The following ITCH variants were observed in gnomAD, a reference collection of about 807,000 sequenced individuals.
ITCH encodes E3 ubiquitin-protein ligase Itchy homolog.
In ITCH, 28 loss-of-function variants were observed where a neutral mutation model predicts 126.8. The ratio of observed to expected loss-of-function variants is 0.22; its 90% CI spans 0.16 to 0.30. The LOEUF (loss-of-function observed/expected upper bound fraction) is 0.30, where lower values mean the gene tolerates loss of function less well. Among genes scored for constraint, ITCH ranks in the 10% least tolerant of loss-of-function variants. ITCH has a pLI of 1.00. For missense variants in ITCH, 631 were observed against 1,032.4 expected (o/e 0.61, Z 5.33); for synonymous variants, 342 against 340.0 (o/e 1.01, Z -0.06).
At chr20:34,447,411 G>T (rs1412108175) in intron 11 of ITCH, among the ~76,000 whole-genome samples, 2 of 152,118 alleles carry the variant, frequency 1.3e-5, no homozygotes, top group African/African-American at 4.8e-5. Context: ...GTGTTGCTGA[G>T]AAATAGTCTG....
chr20:34,495,360 C>T (rs1327741606), intron 23 of ITCH, among the ~76,000 whole-genome samples: 1 of 150,064 alleles, frequency 6.7e-6, no homozygotes, highest in Non-Finnish European at 1.5e-5. Flanking sequence ...TGATTATAGT[C>T]ATTGTATAGT....
At chr20:34,459,276 A>G (rs1247689009) in intron 13 of ITCH, among the ~76,000 whole-genome samples, 3 of 152,192 alleles carry the variant, frequency 2.0e-5, no homozygotes, top group African/African-American at 7.2e-5. Context: ...AACATCCAGC[A>G]TTATTGTGGG....
chr20:34,500,159 T>C (rs761285132), intron 23 of ITCH, among the ~76,000 whole-genome samples: 1 of 152,200 alleles, frequency 6.6e-6, no homozygotes, highest in Non-Finnish European at 1.5e-5. Context: ...TCTGAAGCTG[T>C]TGGATGAAAT....
chr20:34,364,229 C>G (rs560763056), intron 1 of ITCH, among the ~76,000 whole-genome samples: 1 of 152,154 alleles, frequency 6.6e-6, no homozygotes, highest in Admixed American at 6.6e-5. Context: ...TTCATTATCC[C>G]CAATAACAAC....
intron 4 of ITCH, among the ~76,000 whole-genome samples, chr20:34,410,446 T>A (rs985911894): frequency 3.3e-5 from 5 of 152,156 alleles, no homozygotes; most frequent in Non-Finnish European, 7.4e-5. Context: ...ATGTTCCTCA[T>A]CTGTGTTTAT....
chr20:34,440,228 T>C lies in ITCH; in HGVS notation c.753T>C (p.Asn251=). Residue 251 remains asparagine, a synonymous_variant, in exon 9 of 25, where the codon AAT becomes AAC. Coordinates refer to ENST00000374864, the MANE Select transcript of ITCH (RefSeq NM_031483.7). ...GSSTGSLPPT[N]TNTNTSEGAT... ...GTACAGGCTCTCTGCCGCCGACAAA[T>C]ACAAATACAAATACATCTGAAGGAG... 2 of 1,610,058 alleles carry C rather than the reference T, an allele frequency of 1.2e-6. No individual in the cohort carries two copies. The highest frequency in any genetic ancestry group is 1.7e-6 in the Non-Finnish European group (2 of 1,176,314).
chr20:34,431,657 G>A (rs1041231991), intron 7 of ITCH, among the ~76,000 whole-genome samples: 7 of 151,952 alleles, frequency 4.6e-5, no homozygotes, highest in African/African-American at 1.7e-4. Flanking sequence ...GGTAGGAAGA[G>A]GACAAACCAA....
At chr20:34,398,952 A>G (rs372319917) in intron 3 of ITCH, among the ~76,000 whole-genome samples, 17 of 152,224 alleles carry the variant, frequency 1.1e-4, no homozygotes, top group African/African-American at 3.6e-4. Flanking sequence ...TGATGCTAGA[A>G]TGCTTAGAAC....
At chr20:34,380,740 C>T (rs747268825) in intron 2 of ITCH, among the ~76,000 whole-genome samples, 10 of 151,232 alleles carry the variant, frequency 6.6e-5, no homozygotes, top group Admixed American at 2.6e-4. Context: ...CATGAGCCAC[C>T]GGCCCTGCCC....
chr20:34,424,630 CAGAA>C (rs1222044299), intron 7 of ITCH, 105 bp downstream of exon 7: 4 of 946,092 alleles, frequency 4.2e-6, no homozygotes, highest in Non-Finnish European at 6.9e-6. Flanking sequence ...AAATGAGTGT[CAGAA>C]AGAATTCAGA....
rs753254646 is a variant in ITCH at position 34,393,855 on chromosome 20, C to T, written c.44C>T (p.Thr15Ile). The T allele has an allele frequency of 1.2e-6, 2 of 1,613,952 alleles. No homozygotes were observed. The highest frequency in any genetic ancestry group is 1.1e-5 in the South Asian group (1 of 91,080). Residue 15 changes from threonine to isoleucine, a missense_variant, in exon 3 of 25, where the codon ACC becomes ATC. Coordinates refer to ENST00000374864, the MANE Select transcript of ITCH (RefSeq NM_031483.7). Reference protein sequence around the residue: ...GSQLGSMGSLTMKSQLQITVI... With the variant: ...GSQLGSMGSLIMKSQLQITVI... Reference sequence around the variant, plus strand: ...CAACTTGGTTCAATGGGTAGCCTCACCATGAAATCACAGCTTCAGATCACT... The same window carrying T: ...CAACTTGGTTCAATGGGTAGCCTCATCATGAAATCACAGCTTCAGATCACT...
rs1314858565 is a variant in ITCH at position 34,475,065 on chromosome 20, G to A, written c.1570-2707G>A. Among the ~76,000 whole-genome samples the A allele has an allele frequency of 5.3e-5, 8 of 150,898 alleles. 1 individual carries two copies. In the South Asian group the frequency reaches 8.4e-4, roughly 16 times the overall value. ...CCCACATCCCAGACCATGGGCGGCCGGGCAGAGACGCTCCTCACTTCCTAG... is the reference window on the plus strand; with the variant it reads ...CCCACATCCCAGACCATGGGCGGCCAGGCAGAGACGCTCCTCACTTCCTAG... On this transcript the variant is annotated intron_variant, in intron 16 of 24. Coordinates refer to ENST00000374864, the MANE Select transcript of ITCH (RefSeq NM_031483.7).
At chr20:34,480,815 C>A in intron 19 of ITCH, 83 bp downstream of exon 19, 1 of 1,147,412 alleles carries the variant, frequency 8.7e-7, no homozygotes, top group Non-Finnish European at 1.3e-6. Flanking sequence ...AAACTGTAGG[C>A]ACATAATTGG....
intron 7 of ITCH, among the ~76,000 whole-genome samples, chr20:34,428,772 CTA>C (rs1455756286): frequency 6.6e-6 from 1 of 151,812 alleles, no homozygotes; most frequent in African/African-American, 2.4e-5. Flanking sequence ...CCTGATTGTA[CTA>C]TAATAGCATT....
At position 34,460,633 on chromosome 20, in the gene ITCH, A is replaced by G. The variant is rs560547107; in HGVS notation, c.1296-1460A>G. On this transcript the variant is annotated intron_variant, in intron 13 of 24. Coordinates refer to ENST00000374864, the MANE Select transcript of ITCH (RefSeq NM_031483.7). ...TCTCTGTTTTATGGACAAAGAACCTAAAGTTTAGAGAGATTAAGCAGCTTG... is the reference window on the plus strand; with the variant it reads ...TCTCTGTTTTATGGACAAAGAACCTGAAGTTTAGAGAGATTAAGCAGCTTG... 4.6e-5 allele frequency among the ~76,000 whole-genome samples: 7 copies of G among 152,192 alleles called. No individual in the cohort carries two copies. The South Asian group carries it at 1.0e-3, about 23-fold the overall frequency.
At chr20:34,390,230 C>CT (rs1466798468) in intron 2 of ITCH, among the ~76,000 whole-genome samples, 3 of 152,220 alleles carry the variant, frequency 2.0e-5, no homozygotes, top group African/African-American at 7.2e-5. Context: ...TGCAGATACT[C>CT]TGTCAGTCTT....
At chr20:34,406,258 G>A (rs964666523) in intron 3 of ITCH, among the ~76,000 whole-genome samples, 4 of 151,746 alleles carry the variant, frequency 2.6e-5, no homozygotes, top group Non-Finnish European at 4.4e-5. Flanking sequence ...CAAACTCCTG[G>A]GCCTCAAGTG....
At chr20:34,387,590 A>G (rs1440852167) in intron 2 of ITCH, among the ~76,000 whole-genome samples, 1 of 151,518 alleles carries the variant, frequency 6.6e-6, no homozygotes, top group African/African-American at 2.4e-5. Flanking sequence ...CGATCACTCT[A>G]GCATAGGCAA....
chr20:34,372,518 T>C lies in ITCH; in HGVS notation c.-22+3048T>C, dbSNP rs543778733. Among the ~76,000 whole-genome samples, 85 of 150,266 alleles carry C rather than the reference T, an allele frequency of 5.7e-4. 1 individual carries two copies. The South Asian group carries it at 0.016, about 29-fold the overall frequency. On this transcript the variant is annotated intron_variant, in intron 2 of 24. Transcript: ENST00000374864. ...GCCTCAGCCTCCTGAGTAGCTGGGA[T>C]TACAGGCACCCGCCACCATGCCTGG...
Sources: allele counts gnomAD v4.1 joint callset (sites outside exome capture counted in the v4.1 genomes callset), GRCh38; gene constraint gnomAD v4.1.1; transcripts MANE v1.5; gene names NCBI Gene and HGNC (gene_info 2026-07-23, HGNC 2026-07-21).